The following EPRS1 variants were observed in gnomAD, a reference collection of about 807,000 sequenced individuals.
EPRS1 encodes the protein bifunctional glutamate/proline--tRNA ligase.
EPRS1 carries 107 observed loss-of-function variants against 188.3 expected under a neutral mutation model. The observed-to-expected ratio is 0.57, with a 90% CI of 0.49 to 0.67. EPRS1 has a LOEUF of 0.67. EPRS1 is among the 30% of genes least tolerant of loss of function. The probability of loss-of-function intolerance (pLI) is 0.00; values close to 1 mark genes in which losing one functional copy is unlikely to be tolerated. For synonymous variants in EPRS1, 596 were observed against 593.1 expected (o/e 1.00, Z -0.07); for missense variants, 1,577 against 1,802.2 (o/e 0.88, Z 2.26).
Position 220,032,364 on chromosome 1 carries a change from A to T in EPRS1, c.528+23T>A, listed in dbSNP as rs548889502. The T allele has an allele frequency of 4.3e-4, 671 of 1,563,558 alleles. 4 individuals carry two copies. The African/African-American group carries it at 7.7e-3, about 18-fold the overall frequency. On this transcript the variant is annotated intron_variant, in intron 5 of 31. Transcript: ENST00000366923. ...GCCTCCCAAAGTGTTTTTTTTTTTA[A>T]AAAAAAAGAAAAAAAGGCTTACCAC...
chr1:219,988,752 C>T lies in EPRS1; in HGVS notation c.2613G>A (p.Glu871=). 2.5e-6 allele frequency: 4 copies of T among 1,613,824 alleles called. No homozygotes were observed. The highest frequency in any genetic ancestry group is 3.3e-5 in the Admixed American group (2 of 59,998). ...KAQYKEKTGK[E]YIPGQPPLSQ... ...ATAATGGGGGCTGACCAGGTATGTA[C>T]TCCTTCCCAGTTTTTTCTTTATACT... Residue 871 remains glutamate, a synonymous_variant, in exon 19 of 32, where the codon GAG becomes GAA. Transcript: ENST00000366923.
rs2647456 is a variant in EPRS1, at chr1:220,033,675, C to T, written c.232-17G>A. ...GTGATCAATCTGTCAACATAAAAGA[C>T]AGAAAAGAAATGCATTCCAACATTT... On this transcript the variant is annotated splice_polypyrimidine_tract_variant and intron_variant, in intron 3 of 31. Transcript: ENST00000366923. 0.82 allele frequency: 1,298,027 copies of T among 1,573,846 alleles called. 537,489 individuals are homozygous for T. The highest frequency in any genetic ancestry group is 0.97 in the African/African-American group (71,041 of 73,240).
chr1:220,001,034 C>T, intron 17 of EPRS1, 104 bp downstream of exon 17: 1 of 730,944 alleles, frequency 1.4e-6, no homozygotes, highest in Non-Finnish European at 2.5e-6. Context: ...CTGTCTTCTT[C>T]AGTCTCCACA....
chr1:220,006,011 T>C (rs1400042759), intron 15 of EPRS1, 95 bp downstream of exon 15: 1 of 655,468 alleles, frequency 1.5e-6, no homozygotes, highest in East Asian at 3.0e-5. Context: ...ACACATCTTA[T>C]CCATTTTATC....
Position 219,994,896 on chromosome 1 carries a change from C to T in EPRS1, c.2541+2087G>A, listed in dbSNP as rs183232832. ...CTCGATCTCCTGACCTTATGATCTG[C>T]CCACCTCGGCCTCCCAAAGTGCTGG... On this transcript the variant is annotated intron_variant, in intron 18 of 31. Transcript: ENST00000366923. 5.9e-5 allele frequency among the ~76,000 whole-genome samples: 9 copies of T among 152,180 alleles called. No homozygotes were observed. The East Asian group carries it at 1.7e-3, about 29-fold the overall frequency.
chr1:220,037,602 TA>T (rs892793921), intron 2 of EPRS1, among the ~76,000 whole-genome samples: 7 of 144,362 alleles, frequency 4.8e-5, no homozygotes, highest in Admixed American at 4.8e-4. Context: ...GAACCAAAAA[TA>T]GAGAGAAAAA....
rs767450030 is a variant in EPRS1 at position 219,969,108 on chromosome 1, T to G, written c.4338A>C (p.Pro1446=). The G allele has an allele frequency of 1.9e-6, 3 of 1,608,962 alleles. No homozygotes were observed. In the African/African-American group the frequency reaches 4.0e-5, roughly 22 times the overall value. ...CCTCACAGTCAATTTCCCCACAGAA[T>G]GGAATCTGAACAATCTAATTAAGAA... The part of the protein sequence containing the change: ...ILDSGKIVQI[P]FCGEIDCEDW... Residue 1446 remains proline (P), a synonymous_variant, in exon 31 of 32, where the codon CCA becomes CCC. Coordinates refer to ENST00000366923, the MANE Select transcript of EPRS1 (RefSeq NM_004446.3).
At chr1:220,011,262 C>T (rs1661599996) in intron 12 of EPRS1, among the ~76,000 whole-genome samples, 1 of 152,122 alleles carries the variant, frequency 6.6e-6, no homozygotes, top group Non-Finnish European at 1.5e-5. Flanking sequence ...AGGATTTAGA[C>T]TTCTTTCACA....
At chr1:220,027,260 T>TA (rs1356199084) in intron 6 of EPRS1, among the ~76,000 whole-genome samples, 1 of 151,406 alleles carries the variant, frequency 6.6e-6, no homozygotes, top group Non-Finnish European at 1.5e-5. Flanking sequence ...CCGTCTCTAC[T>TA]AAAAAAAATA....
chr1:220,040,656 G>A (rs899791400), intron 1 of EPRS1, among the ~76,000 whole-genome samples: 2 of 152,118 alleles, frequency 1.3e-5, no homozygotes, highest in African/African-American at 2.4e-5. Flanking sequence ...TTCAAGACCA[G>A]CCTGACCGAC....
intron 9 of EPRS1, 77 bp downstream of exon 9, chr1:220,022,270 G>T: frequency 7.8e-7 from 1 of 1,274,538 alleles, no homozygotes; most frequent in Non-Finnish European, 1.1e-6. Context: ...TGACTATTTT[G>T]CTTGTACTCC....
chr1:220,012,280 A>G (rs1237284026), intron 12 of EPRS1, among the ~76,000 whole-genome samples: 4 of 152,144 alleles, frequency 2.6e-5, no homozygotes, highest in African/African-American at 7.2e-5. Context: ...TTCAGCTTCT[A>G]CTGGGCTGGA....
chr1:219,968,937 C>T lies in EPRS1; in HGVS notation c.4408G>A (p.Gly1470Ser), dbSNP rs765309419. 8 of 1,614,012 alleles carry T rather than the reference C, an allele frequency of 5.0e-6. No homozygotes were observed. In the Admixed American group the frequency reaches 1.2e-4, roughly 24 times the overall value. ...CTTTTAGCTCCCATGGATGGAGCAC[C>T]AGGTTCAAGATCTTGATCCCTGAAA... ...TTARDQDLEP[G>S]APSMGAKSLC... Residue 1470 changes from glycine (G) to serine (S), a missense_variant, in exon 32 of 32, where the codon GGT (glycine) becomes AGT (serine). Transcript: ENST00000366923.
At chr1:220,033,361 T>C (rs1182533440) in intron 4 of EPRS1, 141 bp downstream of exon 4, 27 of 526,550 alleles carry the variant, frequency 5.1e-5, no homozygotes, top group Non-Finnish European at 5.8e-5. Flanking sequence ...GTCATTCCCC[T>C]GTAATAAAGT....
At chr1:219,987,442 T>C (rs1661027924) in intron 19 of EPRS1, 38 bp from the exon 20 acceptor site, 1 of 1,526,024 alleles carries the variant, frequency 6.6e-7, no homozygotes, top group Non-Finnish European at 8.9e-7. Flanking sequence ...GAAGACAGTA[T>C]TTAACTCAAG....
At chr1:219,981,495 CT>C (rs1558272254) in intron 23 of EPRS1, 38 bp from the exon 24 acceptor site, 1 of 1,350,560 alleles carries the variant, frequency 7.4e-7, no homozygotes, top group South Asian at 1.3e-5. Context: ...TCATTTAAGG[CT>C]TTATTTCTCC....
At chr1:219,999,975 C>CAAATA (rs1661317897) in intron 17 of EPRS1, among the ~76,000 whole-genome samples, 1 of 152,168 alleles carries the variant, frequency 6.6e-6, no homozygotes. Context: ...TACTCTGTCT[C>CAAATA]AAATAAAATA....
chr1:220,014,109 C>A (rs1391521202), intron 12 of EPRS1, among the ~76,000 whole-genome samples: 1 of 152,160 alleles, frequency 6.6e-6, no homozygotes, highest in African/African-American at 2.4e-5. Context: ...GGGCGGATCA[C>A]CTGAGGTCAG....
intron 12 of EPRS1, 38 bp downstream of exon 12, chr1:220,018,411 A>C (rs1490233849): frequency 2.0e-6 from 3 of 1,477,790 alleles, no homozygotes; most frequent in Admixed American, 3.3e-5. Context: ...TTTGGGACTT[A>C]AGCATGAGAA....
Sources: gnomAD v4.1 joint callset for allele counts (sites outside exome capture counted in the v4.1 genomes callset) on GRCh38, gnomAD v4.1.1 for gene constraint, MANE v1.5 for transcripts, NCBI Gene and HGNC (gene_info 2026-07-23, HGNC 2026-07-21) for gene names.